The following CACNA1D variants were observed in gnomAD, a reference collection of about 807,000 sequenced individuals.
The protein encoded by CACNA1D is calcium voltage-gated channel subunit alpha1 D, also known as voltage-dependent L-type calcium channel subunit alpha-1D.
In CACNA1D, 55 loss-of-function variants were observed where a neutral mutation model predicts 257.1. The observed-to-expected ratio is 0.21, with a 90% confidence interval of 0.17 to 0.27. The LOEUF is 0.27. Among genes scored for constraint, CACNA1D ranks in the 10% least tolerant of loss-of-function variants. The pLI is 1.00. For synonymous variants in CACNA1D, 980 were observed against 1,014.9 expected, an observed-to-expected ratio of 0.97 and a Z score of 0.65; for missense variants, 1,876 against 2,784.0, an observed-to-expected ratio of 0.67 and a Z score of 7.34.
At position 53,597,360 on chromosome 3, in the gene CACNA1D, GA is replaced by G. The variant is rs2093383662; in HGVS notation, c.484-53418del. On this transcript the variant is annotated intron_variant, in intron 3 of 47. Transcript: ENST00000350061. Reference sequence around the variant, plus strand: ...AGCAGGTTGATGGGAGCATGTTACTGACTAGGATTGCAGGAGCTCAGAGGGT... The same window carrying G: ...AGCAGGTTGATGGGAGCATGTTACTGCTAGGATTGCAGGAGCTCAGAGGGT... Among the ~76,000 whole-genome samples the G allele has an allele frequency of 1.3e-5, 2 of 152,208 alleles. 1 individual carries two copies. The highest frequency in any genetic ancestry group is 4.1e-4 in the South Asian group (2 of 4,832).
In CACNA1D at chr3:53,751,649, C is replaced by T. The variant is rs951436726; in HGVS notation, c.3517-100C>T. 47 of 1,216,284 alleles carry T rather than the reference C, an allele frequency of 3.9e-5. No homozygotes were observed. In the Admixed American group the frequency reaches 4.2e-4, roughly 11 times the overall value. 75.3% of individuals were successfully genotyped at this position (1,216,284 alleles called of 1,614,324 possible). ...TTCACCATCGTCCACGGCCCCTTCC[C>T]GGGAGCTGTAGGGTGAGCTCTTTCA... On this transcript the variant is annotated intron_variant, in intron 27 of 47. Coordinates refer to ENST00000350061, the MANE Select transcript of CACNA1D (RefSeq NM_001128840.3). The surrounding 1 kb of genome is among the most constrained non-coding windows in gnomAD (Gnocchi z 4.3).
At chr3:53,645,658 A>G (rs1397133695) in intron 3 of CACNA1D, among the ~76,000 whole-genome samples, 1 of 152,216 alleles carries the variant, frequency 6.6e-6, no homozygotes, top group Non-Finnish European at 1.5e-5. Flanking sequence ...GCTTTCTGTT[A>G]AAGAGGTAAT....
intron 40 of CACNA1D, among the ~76,000 whole-genome samples, chr3:53,788,816 A>C (rs2095469531): frequency 6.6e-6 from 1 of 152,210 alleles, no homozygotes; most frequent in Non-Finnish European, 1.5e-5. Context: ...TACAGCCAGC[A>C]GGTTAGCTAG....
intron 14 of CACNA1D, among the ~76,000 whole-genome samples, chr3:53,725,566 T>C (rs1411325321): frequency 6.6e-6 from 1 of 152,210 alleles, no homozygotes; most frequent in Non-Finnish European, 1.5e-5. Context: ...CTCATTGTCT[T>C]CACACTGCCC....
chr3:53,588,462 G>A (rs1230836600), intron 3 of CACNA1D, among the ~76,000 whole-genome samples: 2 of 152,168 alleles, frequency 1.3e-5, no homozygotes, highest in Non-Finnish European at 2.9e-5. Context: ...GAAGTCTGGG[G>A]GAGTTTGGAG....
At position 53,735,360 on chromosome 3, in the gene CACNA1D, G is replaced by T; in HGVS notation, c.2622-14G>T. 1 of 1,613,704 alleles carries T rather than the reference G, an allele frequency of 6.2e-7. No individual in the cohort carries two copies. Among genetic ancestry groups the T allele is most frequent in the Non-Finnish European group, 8.5e-7 (1 of 1,179,638 alleles). On this transcript the variant is annotated splice_polypyrimidine_tract_variant and intron_variant, in intron 19 of 47. Transcript: ENST00000350061. The stretch of plus-strand genomic sequence containing the variant: ...TATCTGGGACTGTTTCCAAGCAGCG[G>T]CTTTTCCCTGCAGGATCCGCGTAGG...
At chr3:53,699,174 G>A (rs1273675949) in intron 8 of CACNA1D, among the ~76,000 whole-genome samples, 1 of 152,154 alleles carries the variant, frequency 6.6e-6, no homozygotes, top group African/African-American at 2.4e-5. Flanking sequence ...TTGGCAGTGG[G>A]TTTGCCAGCT....
intron 3 of CACNA1D, among the ~76,000 whole-genome samples, chr3:53,539,864 T>TA (rs1200931574): frequency 6.6e-6 from 1 of 152,258 alleles, no homozygotes; most frequent in African/African-American, 2.4e-5. Flanking sequence ...CTTCTCCATA[T>TA]GTTTGAGTAT....
At chr3:53,545,745 TCTC>T (rs889975453) in intron 3 of CACNA1D, among the ~76,000 whole-genome samples, 21 of 152,182 alleles carry the variant, frequency 1.4e-4, no homozygotes, top group Non-Finnish European at 4.4e-5. Context: ...GACACTTTCT[TCTC>T]CTTCTCAAAG....
chr3:53,697,039 A>G (rs2094579294), intron 8 of CACNA1D, among the ~76,000 whole-genome samples: 1 of 152,210 alleles, frequency 6.6e-6, no homozygotes, highest in Non-Finnish European at 1.5e-5. Flanking sequence ...ACAGGCCTGC[A>G]TAAGACACTT....
In CACNA1D at chr3:53,652,024, C is replaced by T. The variant is rs756998189; in HGVS notation, c.623+1106C>T. Among the ~76,000 whole-genome samples, 9 of 152,094 alleles carry T rather than the reference C, an allele frequency of 5.9e-5. 1 individual carries two copies. Among genetic ancestry groups the T allele is most frequent in the East Asian group, 1.9e-4 (1 of 5,186 alleles). Reference sequence around the variant, plus strand: ...TGGGAAACAAGTTAGCTTTTCAAACCGCCCCCGCCGCCAATACATTGTCAT... The same window carrying T: ...TGGGAAACAAGTTAGCTTTTCAAACTGCCCCCGCCGCCAATACATTGTCAT... On this transcript the variant is annotated intron_variant, in intron 4 of 47. Coordinates refer to ENST00000350061, the MANE Select transcript of CACNA1D (RefSeq NM_001128840.3).
intron 3 of CACNA1D, among the ~76,000 whole-genome samples, chr3:53,638,090 A>T (rs1383450734): frequency 1.3e-5 from 2 of 152,226 alleles, no homozygotes; most frequent in Non-Finnish European, 1.5e-5. Flanking sequence ...CGTATGAAAG[A>T]GTAGTTTCTC....
At chr3:53,778,996 C>G (rs1008261002) in intron 37 of CACNA1D, among the ~76,000 whole-genome samples, 1 of 152,192 alleles carries the variant, frequency 6.6e-6, no homozygotes, top group African/African-American at 2.4e-5. Flanking sequence ...ACCCTCACAA[C>G]AGCTTTAAAA....
chr3:53,728,029 C>T (rs1215329871), intron 15 of CACNA1D, among the ~76,000 whole-genome samples: 2 of 152,190 alleles, frequency 1.3e-5, no homozygotes, highest in South Asian at 2.1e-4. Context: ...CCACCCCTGC[C>T]CTGTCTCCCA....
chr3:53,651,366 C>CTTTTT (rs779207160), intron 4 of CACNA1D, among the ~76,000 whole-genome samples: 3,367 of 81,662 alleles, frequency 0.041, 587 homozygotes, highest in Middle Eastern at 0.09. Context: ...TATTAATTTT[C>CTTTTT]TTTTTTTTTT....
At chr3:53,779,880 A>G (rs1209694208) in intron 37 of CACNA1D, 146 bp from the exon 38 acceptor site, 4 of 700,742 alleles carry the variant, frequency 5.7e-6, no homozygotes, top group Non-Finnish European at 7.8e-6. Flanking sequence ...ATTAACCATC[A>G]TATGCGTACC....
At chr3:53,672,758 C>CTGTGTG (rs57956658) in intron 7 of CACNA1D, among the ~76,000 whole-genome samples, 1,329 of 95,026 alleles carry the variant, frequency 0.014, 30 homozygotes, top group Admixed American at 0.021. Flanking sequence ...CTTGATGACT[C>CTGTGTG]TGTGTGTGTG....
At chr3:53,537,722 A>T (rs1016071199) in intron 3 of CACNA1D, among the ~76,000 whole-genome samples, 1 of 152,088 alleles carries the variant, frequency 6.6e-6, no homozygotes, top group Non-Finnish European at 1.5e-5. Flanking sequence ...AGTCTATTTT[A>T]ATCTGTCTGT....
At chr3:53,797,919 A>G (rs778587581) in intron 40 of CACNA1D, 14 of 152,218 alleles carry the variant, frequency 9.2e-5, no homozygotes, top group Non-Finnish European at 2.1e-4. Flanking sequence ...ACTTAAGTGC[A>G]TTATAACCTA....
Sources: allele counts gnomAD v4.1 joint callset (sites outside exome capture counted in the v4.1 genomes callset), GRCh38; gene constraint gnomAD v4.1.1; non-coding constraint Gnocchi (gnomAD v3.1); transcripts MANE v1.5; gene names NCBI Gene and HGNC (gene_info 2026-07-23, HGNC 2026-07-21).